The following FREM3 variants were observed in gnomAD, a reference collection of about 807,000 sequenced individuals.
FREM3 encodes the protein FRAS1 related extracellular matrix 3.
Under a neutral mutation model 129.1 loss-of-function variants are expected in FREM3, and 105 were observed. The observed-to-expected ratio is 0.81, with a 90% confidence interval of 0.69 to 0.96. The LOEUF is 0.96. Among genes scored for constraint, FREM3 ranks in the 40% least tolerant of loss-of-function variants. FREM3 has a pLI of 0.00. For missense variants in FREM3, 2,593 were observed against 2,666.3 expected (o/e 0.97, Z 0.61); for synonymous variants, 1,014 against 1,044.9 (o/e 0.97, Z 0.57).
At chr4:143,610,517 C>G (rs1202444334) in intron 6 of FREM3, among the ~76,000 whole-genome samples, 2 of 152,176 alleles carry the variant, frequency 1.3e-5, no homozygotes, top group Non-Finnish European at 2.9e-5. Context: ...ACAGCCCAGT[C>G]TAACCCTTCT....
Position 143,577,932 on chromosome 4 carries a change from C to G in FREM3, c.6179-80G>C. On this transcript the variant is annotated intron_variant, in intron 7 of 7. Coordinates refer to ENST00000329798, the MANE Select transcript of FREM3 (RefSeq NM_001168235.2). The stretch of plus-strand genomic sequence containing the variant: ...CTTCAGAGAAAAATGAGAGCTCTCA[C>G]CAACTCTGCGGCATTCACCTTTGTA... 4 of 1,411,836 alleles carry G rather than the reference C, an allele frequency of 2.8e-6. No homozygotes were observed. In the South Asian group the frequency reaches 4.2e-5, roughly 15 times the overall value. The allele number at this position is 1,411,836 out of a possible 1,614,324, so 87.5% of individuals were successfully genotyped here.
At chr4:143,647,807 G>T (rs1333717673) in intron 2 of FREM3, among the ~76,000 whole-genome samples, 1 of 152,176 alleles carries the variant, frequency 6.6e-6, no homozygotes, top group Non-Finnish European at 1.5e-5. Flanking sequence ...CCCTTTTAGG[G>T]CAGTGCAGAA....
intron 1 of FREM3, 41 bp downstream of exon 1, chr4:143,695,450 A>G: frequency 2.0e-6 from 3 of 1,464,494 alleles, no homozygotes; most frequent in Non-Finnish European, 2.7e-6. Flanking sequence ...TGATCCAATG[A>G]AGGAGAGGGA....
rs2149839330 is a variant in FREM3 at position 143,611,662 on chromosome 4, A to C, written c.5780-135T>G. On this transcript the variant is annotated intron_variant, in intron 5 of 7. Coordinates refer to ENST00000329798, the MANE Select transcript of FREM3 (RefSeq NM_001168235.2). ...CAACACACTTACCTCTTATGCTCAC[A>C]AATAGTAATACTGTAAGAAGAAGGC... The C allele has an allele frequency of 4.0e-6, 3 of 745,456 alleles. No individual in the cohort carries two copies. The East Asian group carries it at 8.1e-5, about 20-fold the overall frequency. The allele number at this position is 745,456 out of a possible 1,614,324, so 46.2% of individuals were successfully genotyped here. A position where few individuals can be genotyped will look rare whatever the true frequency, so the allele number is the denominator to read the frequency against.
At chr4:143,604,104 T>G (rs1466297152) in intron 6 of FREM3, among the ~76,000 whole-genome samples, 1 of 152,074 alleles carries the variant, frequency 6.6e-6, no homozygotes. Flanking sequence ...TCTGATTGTT[T>G]AAAGAGCCTG....
At chr4:143,667,079 G>T (rs1739876328) in intron 2 of FREM3, among the ~76,000 whole-genome samples, 1 of 152,026 alleles carries the variant, frequency 6.6e-6, no homozygotes, top group Non-Finnish European at 1.5e-5. Flanking sequence ...CCTGTAATTT[G>T]ATAATAAAGT....
intron 2 of FREM3, among the ~76,000 whole-genome samples, chr4:143,680,499 C>T (rs1020136370): frequency 2.6e-5 from 4 of 151,986 alleles, no homozygotes; most frequent in Non-Finnish European, 4.4e-5. Flanking sequence ...AGAAATATGT[C>T]GGGCATTTTG....
Position 143,577,795 on chromosome 4 carries a change from A to G in FREM3, c.6236T>C (p.Met2079Thr), listed in dbSNP as rs894679692. ...AAGGATGGTCACTTGGAATGTCTGC[A>G]TGCGCACGCCTGGAGCAAAGTCCAG... ...RNLDFAPGVR[M>T]QTFQVTILDD... The change falls in exon 8 of 8, where the codon ATG becomes ACG. Residue 2079 changes from methionine to threonine, a missense_variant. Met to Thr is a moderately conservative substitution (Grantham distance 81). Transcript: ENST00000329798. 29 of 1,537,220 alleles carry G rather than the reference A, an allele frequency of 1.9e-5. No individual in the cohort carries two copies. Among genetic ancestry groups the G allele is most frequent in the East Asian group, 2.4e-5 (1 of 40,934 alleles).
Position 143,697,734 on chromosome 4 carries a change from T to C in FREM3, c.2942A>G (p.Asp981Gly), listed in dbSNP as rs1333779944. The change falls in exon 1 of 8, where the codon GAC becomes GGC. Residue 981 changes from aspartate to glycine, a missense_variant. Physicochemically the swap from Asp to Gly is moderately conservative, Grantham distance 94. Coordinates refer to ENST00000329798, the MANE Select transcript of FREM3 (RefSeq NM_001168235.2). ...CTTTACAATGAAAGACAGCATCAAG[T>C]CACCTACATCCTTCCTTTTGCCATG... The part of the protein sequence containing the change: ...VIHGKRKDVG[D>G]LMLSFIVKDS... The C allele has an allele frequency of 1.3e-6, 2 of 1,537,656 alleles. No individual in the cohort carries two copies. Among genetic ancestry groups the C allele is most frequent in the Non-Finnish European group, 8.7e-7 (1 of 1,146,984 alleles).
At chr4:143,616,114 A>G (rs1483475925) in intron 5 of FREM3, among the ~76,000 whole-genome samples, 2 of 152,256 alleles carry the variant, frequency 1.3e-5, no homozygotes, top group African/African-American at 4.8e-5. Context: ...CATCTCTACA[A>G]AGACAACTTT....
chr4:143,614,201 A>T (rs1443367139), intron 5 of FREM3, among the ~76,000 whole-genome samples: 1 of 152,226 alleles, frequency 6.6e-6, no homozygotes, highest in Non-Finnish European at 1.5e-5. Flanking sequence ...TGTATTTAAT[A>T]AAAAAATTCA....
chr4:143,609,929 G>A (rs1244366199), intron 6 of FREM3, among the ~76,000 whole-genome samples: 2 of 151,902 alleles, frequency 1.3e-5, no homozygotes, highest in Non-Finnish European at 2.9e-5. Context: ...TTTTCCTGTT[G>A]GACACTTCCT....
At chr4:143,648,772 G>T (rs1360637854) in intron 2 of FREM3, among the ~76,000 whole-genome samples, 1 of 152,172 alleles carries the variant, frequency 6.6e-6, no homozygotes, top group South Asian at 2.1e-4. Flanking sequence ...AGCTGTGTGA[G>T]AATGGACTAA....
At chr4:143,661,048 C>T (rs1190526045) in intron 2 of FREM3, among the ~76,000 whole-genome samples, 1 of 152,170 alleles carries the variant, frequency 6.6e-6, no homozygotes, top group South Asian at 2.1e-4. Flanking sequence ...AATTTGACTT[C>T]CTCTTTTCCT....
chr4:143,615,615 C>T (rs887014851), intron 5 of FREM3, among the ~76,000 whole-genome samples: 3 of 151,502 alleles, frequency 2.0e-5, no homozygotes, highest in South Asian at 2.1e-4. Context: ...CTGGGATGCC[C>T]GTACAGTAAA....
chr4:143,632,104 T>G (rs997981997), intron 2 of FREM3, among the ~76,000 whole-genome samples: 1 of 152,146 alleles, frequency 6.6e-6, no homozygotes, highest in East Asian at 1.9e-4. Context: ...AAAGTTACAA[T>G]TAATTAATTA....
At chr4:143,657,546 C>T (rs1035168746) in intron 2 of FREM3, among the ~76,000 whole-genome samples, 1 of 152,126 alleles carries the variant, frequency 6.6e-6, no homozygotes, top group African/African-American at 2.4e-5. Flanking sequence ...AATGATAATT[C>T]ATGATAGTAA....
At chr4:143,675,694 A>T (rs1740103863) in intron 2 of FREM3, among the ~76,000 whole-genome samples, 2 of 152,234 alleles carry the variant, frequency 1.3e-5, no homozygotes, top group African/African-American at 2.4e-5. Context: ...TGCAATAAAA[A>T]ATGATAAAGG....
rs145154259 is a variant in FREM3, at chr4:143,584,862, C to T, written c.6178+982G>A. ...TCTGCACATACACGTACTCTAAAAT[C>T]GACTACACCGTTGGCCATAAAAATT... On this transcript the variant is annotated intron_variant, in intron 7 of 7. Coordinates refer to ENST00000329798, the MANE Select transcript of FREM3 (RefSeq NM_001168235.2). 1.9e-3 allele frequency among the ~76,000 whole-genome samples: 296 copies of T among 152,272 alleles called. 3 individuals carry two copies. The highest frequency in any genetic ancestry group is 6.7e-3 in the African/African-American group (280 of 41,554).
Sources: allele counts gnomAD v4.1 joint callset (sites outside exome capture counted in the v4.1 genomes callset), GRCh38; gene constraint gnomAD v4.1.1; transcripts MANE v1.5; gene names NCBI Gene and HGNC (gene_info 2026-07-23, HGNC 2026-07-21).